RPL18A: variants seen among roughly 807,000 people sequenced by gnomAD.
The protein encoded by RPL18A is ribosomal protein L18a.
For missense variants in RPL18A, 163 were observed against 254.1 expected, an observed-to-expected ratio of 0.64 and a Z score of 2.44; for synonymous variants, 122 against 96.9, an observed-to-expected ratio of 1.26 and a Z score of -1.52.
In RPL18A at chr19:17,863,085, G is replaced by GT; in HGVS notation, c.438+59dup. On this transcript the variant is annotated intron_variant, in intron 4 of 4. Coordinates refer to ENST00000222247, the MANE Select transcript of RPL18A (RefSeq NM_000980.4). ...GTGCCTGCTCTGACGCAGGAGCCCA[G>GT]TGGGGGGCGGCTACACCTTGGTGGC... 14 of 1,555,632 alleles carry GT rather than the reference G, an allele frequency of 9.0e-6. No homozygotes were observed. The South Asian group carries it at 1.6e-4, about 17-fold the overall frequency.
chr19:17,860,108 CTT>C lies in RPL18A; in HGVS notation c.18+135_18+136del. 4.1e-6 allele frequency: 3 copies of C among 733,072 alleles called. No homozygotes were observed. The East Asian group carries it at 1.0e-4, about 24-fold the overall frequency. The allele number at this position is 733,072 out of a possible 1,614,324, so 45.4% of individuals were successfully genotyped here. A position where few individuals can be genotyped will look rare whatever the true frequency, so the allele number is the denominator to read the frequency against. On this transcript the variant is annotated intron_variant, in intron 1 of 4. Transcript: ENST00000222247. The stretch of plus-strand genomic sequence containing the variant: ...CCCCCTTGGCCGCGCGCCGCCTTCT[CTT>C]GTTGCACCCAACATGGCGGCCATCG...
rs539457147 is a variant in RPL18A at position 17,863,088 on chromosome 19, G to T, written c.438+61G>T. ...CCTGCTCTGACGCAGGAGCCCAGTG[G>T]GGGGCGGCTACACCTTGGTGGCCCC... is the stretch of plus-strand genomic sequence containing the variant. On this transcript the variant is annotated intron_variant, in intron 4 of 4. Transcript: ENST00000222247. 2.0e-5 allele frequency: 31 copies of T among 1,551,160 alleles called. No homozygotes were observed. In the South Asian group the frequency reaches 3.1e-4, roughly 16 times the overall value.
intron 1 of RPL18A, 186 bp from the exon 2 acceptor site, chr19:17,861,107 A>T: frequency 1.7e-6 from 1 of 598,056 alleles, no homozygotes; most frequent in Non-Finnish European, 3.0e-6. Context: ...TCCTCAGTTC[A>T]TTTTGTGTAT....
rs1453670151 is a variant in RPL18A at position 17,861,094 on chromosome 19, C to CT, written c.19-198dup. 5 of 588,560 alleles carry CT rather than the reference C, an allele frequency of 8.5e-6. No homozygotes were observed. In the East Asian group the frequency reaches 1.4e-4, roughly 17 times the overall value. 36.5% of individuals were successfully genotyped at this position (588,560 alleles called of 1,614,324 possible). A position where few individuals can be genotyped will look rare whatever the true frequency, so the allele number is the denominator to read the frequency against. On this transcript the variant is annotated intron_variant, in intron 1 of 4. Transcript: ENST00000222247. ...CAATTAATCCTCCCTGGAGACCTCC[C>CT]TCTCCTCAGTTCATTTTGTGTATAA...
At chr19:17,863,076 A>G in intron 4 of RPL18A, 49 bp downstream of exon 4, 1 of 1,562,824 alleles carries the variant, frequency 6.4e-7, no homozygotes. Context: ...GCTCTGACGC[A>G]GGAGCCCAGT....
intron 3 of RPL18A, chr19:17,862,479 GT>G (rs1452039128): frequency 1.6e-5 from 11 of 679,436 alleles, no homozygotes; most frequent in African/African-American, 1.2e-4. Context: ...CATCACCACT[GT>G]TTTCTGGGAC....
intron 2 of RPL18A, chr19:17,861,838 G>A: frequency 1.8e-6 from 1 of 559,542 alleles, no homozygotes; most frequent in African/African-American, 1.9e-5. Context: ...TTGAGTTCAG[G>A]AACTGCATCT....
intron 3 of RPL18A, chr19:17,862,661 T>C (rs748544597): frequency 4.0e-6 from 3 of 746,822 alleles, no homozygotes; most frequent in Admixed American, 1.7e-5. Context: ...CAAGCGGATC[T>C]TGTCGCCTTT....
In RPL18A at chr19:17,862,135, C is replaced by T. The variant is rs765937378; in HGVS notation, c.240C>T (p.Ile80=). 5 of 1,612,472 alleles carry T rather than the reference C, an allele frequency of 3.1e-6. No individual in the cohort carries two copies. The Admixed American group carries it at 6.7e-5, about 21-fold the overall frequency. ...CCCTGCGGGTGAAGAACTTCGGGAT[C>T]TGGCTGCGCTATGACTCCCGGAGCG... ...KSPLRVKNFG[I]WLRYDSRSGT... The change falls in exon 3 of 5, where the codon ATC becomes ATT. Residue 80 remains isoleucine, a synonymous_variant. Coordinates refer to ENST00000222247, the MANE Select transcript of RPL18A (RefSeq NM_000980.4).
At position 17,859,972 on chromosome 19, in the gene RPL18A, A is replaced by G; in HGVS notation, c.16A>G (p.Thr6Ala). 1 of 1,530,306 alleles carries G rather than the reference A, an allele frequency of 6.5e-7. No homozygotes were observed. Among genetic ancestry groups the G allele is most frequent in the Non-Finnish European group, 8.8e-7 (1 of 1,140,158 alleles). 94.8% of individuals were successfully genotyped at this position (1,530,306 alleles called of 1,614,324 possible). A position where few individuals can be genotyped will look rare whatever the true frequency, so the allele number is the denominator to read the frequency against. Residue 6 changes from threonine (T) to alanine (A), a missense_variant and splice_region_variant, in exon 1 of 5, where the codon ACG (threonine) becomes GCG (alanine). By Grantham distance (58) the Thr-to-Ala change is moderately conservative. Transcript: ENST00000222247. The stretch of plus-strand genomic sequence containing the variant: ...AGAGCACGCCATGAAGGCCTCGGGC[A>G]CGGTAAGGCGGGCGCGGCGCGGCAG... MKASG[T>A]LREYKVVGRC... is the part of the protein sequence containing the mutation.
intron 3 of RPL18A, chr19:17,862,573 C>A (rs755204774): frequency 4.3e-6 from 3 of 700,940 alleles, no homozygotes; most frequent in Admixed American, 3.5e-5. Flanking sequence ...TCTGTGAGAC[C>A]CCCACACCTC....
intron 1 of RPL18A, chr19:17,861,077 C>G: frequency 1.8e-6 from 1 of 566,064 alleles, no homozygotes; most frequent in South Asian, 2.2e-5. Flanking sequence ...CTCAATTAAT[C>G]CTCCCTGGAG....
chr19:17,860,477 A>G (rs1200968582), intron 1 of RPL18A, among the ~76,000 whole-genome samples: 1 of 152,164 alleles, frequency 6.6e-6, no homozygotes, highest in Non-Finnish European at 1.5e-5. Flanking sequence ...CTGGACTCCC[A>G]TGGAGTGGGT....
chr19:17,859,954 G>C lies in RPL18A; in HGVS notation c.-3G>C, dbSNP rs373948994. The C allele has an allele frequency of 5.7e-4, 871 of 1,540,414 alleles. No individual in the cohort carries two copies. The highest frequency in any genetic ancestry group is 6.7e-4 in the Non-Finnish European group (771 of 1,144,284). ...GGGTGGCGGCGAACGCGGAGAGCAC[G>C]CCATGAAGGCCTCGGGCACGGTAAG... is the stretch of plus-strand genomic sequence containing the variant. On this transcript the variant is annotated 5_prime_UTR_variant, in exon 1 of 5. Coordinates refer to ENST00000222247, the MANE Select transcript of RPL18A (RefSeq NM_000980.4).
intron 1 of RPL18A, chr19:17,860,803 G>C (rs2094275858): frequency 6.4e-6 from 1 of 156,676 alleles, no homozygotes; most frequent in Admixed American, 6.2e-5. Context: ...CAGCTCGCGT[G>C]GCAACAGTGC....
rs576905466 is a variant in RPL18A at position 17,862,300 on chromosome 19, G to T, written c.328+77G>T. The T allele has an allele frequency of 8.4e-6, 13 of 1,549,388 alleles. No homozygotes were observed. In the African/African-American group the frequency reaches 1.5e-4, roughly 18 times the overall value. Reference sequence around the variant, plus strand: ...CACTGAGGCAGGGCAAGTGCCAGAGGTTCCCAGTGCAGGAGAGTCTCAGGA... The same window carrying T: ...CACTGAGGCAGGGCAAGTGCCAGAGTTTCCCAGTGCAGGAGAGTCTCAGGA... On this transcript the variant is annotated intron_variant, in intron 3 of 4. Transcript: ENST00000222247.
At chr19:17,862,048 C>T in intron 2 of RPL18A, 46 bp from the exon 3 acceptor site, 2 of 1,602,396 alleles carry the variant, frequency 1.2e-6, no homozygotes, top group Non-Finnish European at 1.7e-6. Context: ...GGCTAGGGCA[C>T]ATCGGCTTGC....
chr19:17,860,978 G>A (rs921222341), intron 1 of RPL18A: 3 of 379,694 alleles, frequency 7.9e-6, no homozygotes, highest in African/African-American at 2.1e-5. Flanking sequence ...AGCAATTCAG[G>A]ACTGCAGCAT....
Position 17,859,912 on chromosome 19 carries a change from A to C in RPL18A, c.-45A>C. The C allele has an allele frequency of 1.9e-6, 3 of 1,541,332 alleles. No homozygotes were observed. The highest frequency in any genetic ancestry group is 2.6e-6 in the Non-Finnish European group (3 of 1,143,696). ...GGCCTGGTGAACGGCTGCGCGACAG[A>C]GGACACTTCCTTTTGCGGGTGGCGG... On this transcript the variant is annotated 5_prime_UTR_variant, in exon 1 of 5. Transcript: ENST00000222247.
Sources: allele counts gnomAD v4.1 joint callset (sites outside exome capture counted in the v4.1 genomes callset), GRCh38; gene constraint gnomAD v4.1.1; transcripts MANE v1.5; gene names NCBI Gene and HGNC (gene_info 2026-07-23, HGNC 2026-07-21).